The following ADCY9 variants were observed in gnomAD, a reference collection of about 807,000 sequenced individuals.
The protein encoded by ADCY9 is adenylate cyclase type 9.
ADCY9 carries 50 observed loss-of-function variants against 101.5 expected under a neutral mutation model. The ratio of observed to expected loss-of-function variants is 0.49; its 90% CI spans 0.39 to 0.62. ADCY9 has a LOEUF of 0.62. ADCY9 is among the 20% of genes least tolerant of loss of function. ADCY9 has a pLI of 0.00. For synonymous variants in ADCY9, 905 were observed against 769.3 expected (o/e 1.18, Z -2.92); for missense variants, 1,662 against 1,800.4 (o/e 0.92, Z 1.39).
intron 2 of ADCY9, among the ~76,000 whole-genome samples, chr16:4,053,689 CG>C (rs1173383388): frequency 6.9e-3 from 1 of 144 alleles, no homozygotes; most frequent in Non-Finnish European, 0.018. Flanking sequence ...TTGGATGGCA[CG>C]GGGACCCGAT....
Position 4,115,710 on chromosome 16 carries a change from C to G in ADCY9, c.-64G>C. On this transcript the variant is annotated 5_prime_UTR_variant, in exon 1 of 11. Transcript: ENST00000294016. This position sits in a 1 kb window ranked among gnomAD's most constrained non-coding sequence, Gnocchi z 6.2. ...CGGACCTAGAACGCCCGGGGGTCCC[C>G]GCCGCGTGGCCGCCGTGGCTCCGGG... 1 of 425,114 alleles carries G rather than the reference C, an allele frequency of 2.4e-6. No homozygotes were observed. Among genetic ancestry groups the G allele is most frequent in the Admixed American group, 3.9e-5 (1 of 25,496 alleles). The allele number at this position is 425,114 out of a possible 1,614,324, so 26.3% of individuals were successfully genotyped here.
chr16:4,100,885 C>T (rs764330224), intron 2 of ADCY9, among the ~76,000 whole-genome samples: 1 of 152,084 alleles, frequency 6.6e-6, no homozygotes, highest in Non-Finnish European at 1.5e-5. Flanking sequence ...CAGCAGGATA[C>T]GTGAGGGCAG....
At chr16:3,960,025 CA>C (rs1048658149), downstream of ADCY9, among the ~76,000 whole-genome samples, 1 of 151,162 alleles carries the variant, frequency 6.6e-6, no homozygotes, top group African/African-American at 2.4e-5. Flanking sequence ...GACTCTGTCT[CA>C]AAAAAAATAA....
At chr16:4,071,803 G>A (rs563866883) in intron 2 of ADCY9, among the ~76,000 whole-genome samples, 5 of 67,634 alleles carry the variant, frequency 7.4e-5, no homozygotes, top group African/African-American at 1.9e-4. Flanking sequence ...TCTGGCCCAC[G>A]AATTCTGGGT....
intron 2 of ADCY9, among the ~76,000 whole-genome samples, chr16:4,021,551 C>T (rs1000110777): frequency 6.6e-6 from 1 of 152,226 alleles, no homozygotes; most frequent in Non-Finnish European, 1.5e-5. Context: ...CGAGCTCCGT[C>T]CCAACTCAGA....
chr16:4,103,130 C>T (rs942852651), intron 2 of ADCY9, among the ~76,000 whole-genome samples: 2 of 152,220 alleles, frequency 1.3e-5, no homozygotes, highest in Non-Finnish European at 2.9e-5. Context: ...GAACTAAGGT[C>T]ACTTGCTATT....
chr16:4,008,752 A>G (rs1324519350), intron 2 of ADCY9, among the ~76,000 whole-genome samples: 7 of 152,128 alleles, frequency 4.6e-5, no homozygotes, highest in African/African-American at 1.7e-4. Context: ...TAGTAGAGAC[A>G]GGGTTTCTCC....
chr16:3,997,744 G>T (rs2056298628), intron 3 of ADCY9, among the ~76,000 whole-genome samples: 1 of 152,180 alleles, frequency 6.6e-6, no homozygotes, highest in African/African-American at 2.4e-5. Context: ...GGGTGGCATG[G>T]TCCCACAGAC....
chr16:4,082,417 G>C (rs1181366161), intron 2 of ADCY9, among the ~76,000 whole-genome samples: 1 of 152,132 alleles, frequency 6.6e-6, no homozygotes, highest in Non-Finnish European at 1.5e-5. Flanking sequence ...TTTAACTAAA[G>C]TCACAGCCAC....
At chr16:4,084,659 G>A (rs1387166559) in intron 2 of ADCY9, among the ~76,000 whole-genome samples, 3 of 152,020 alleles carry the variant, frequency 2.0e-5, no homozygotes, top group African/African-American at 7.2e-5. Context: ...CTGGGTGGTC[G>A]AGGCTTCAGT....
chr16:4,055,317 G>T (rs186704441), intron 2 of ADCY9, among the ~76,000 whole-genome samples: 2 of 152,172 alleles, frequency 1.3e-5, no homozygotes, highest in Non-Finnish European at 2.9e-5. Context: ...CAGATCACTT[G>T]AGGTCAGGAG....
At chr16:3,988,087 G>A (rs749100476) in intron 6 of ADCY9, among the ~76,000 whole-genome samples, 7 of 152,066 alleles carry the variant, frequency 4.6e-5, no homozygotes, top group Non-Finnish European at 1.0e-4. Context: ...ACAGAGCTGA[G>A]CATCTAGGGA....
intron 2 of ADCY9, among the ~76,000 whole-genome samples, chr16:4,110,376 CTTTTTT>C (rs1170090126): frequency 8.1e-5 from 9 of 110,774 alleles, no homozygotes; most frequent in African/African-American, 2.1e-4. Flanking sequence ...CTTATACCTA[CTTTTTT>C]TTTTTTTTTT....
intron 7 of ADCY9, among the ~76,000 whole-genome samples, chr16:3,981,324 G>C (rs6500566): frequency 0.047 from 7,124 of 152,234 alleles, 550 homozygotes; most frequent in African/African-American, 0.16. Context: ...GCTAAAGGGT[G>C]AAAGTAAAAA....
In ADCY9 at chr16:4,063,667, G is replaced by A. The variant is rs574038779; in HGVS notation, c.1693+50083C>T. ...GTGGAAGCTGCAGTGAGCCAGTATC[G>A]CACCACTGCACTCCAGCCTGGGCCA... On this transcript the variant is annotated intron_variant, in intron 2 of 10. Coordinates refer to ENST00000294016, the MANE Select transcript of ADCY9 (RefSeq NM_001116.4). 1.1e-4 allele frequency among the ~76,000 whole-genome samples: 17 copies of A among 151,046 alleles called. No individual in the cohort carries two copies. The South Asian group carries it at 2.5e-3, about 22-fold the overall frequency.
Position 3,992,591 on chromosome 16 carries a change from G to T in ADCY9, c.1990-228C>A, listed in dbSNP as rs2056254086. On this transcript the variant is annotated intron_variant, in intron 4 of 10. Transcript: ENST00000294016. The surrounding 1 kb of genome is among the most constrained non-coding windows in gnomAD (Gnocchi z 4.2). ...TTACCCAACAGTGCCCAGTGGTAAC[G>T]CTGGGTGTTCAGGCTGCCAGGACAT... Among the ~76,000 whole-genome samples the T allele has an allele frequency of 6.6e-6, 1 of 152,150 alleles. No homozygotes were observed. The highest frequency in any genetic ancestry group is 2.4e-5 in the African/African-American group (1 of 41,434).
chr16:4,064,289 G>A (rs1417857257), intron 2 of ADCY9, among the ~76,000 whole-genome samples: 1 of 152,196 alleles, frequency 6.6e-6, no homozygotes, highest in African/African-American at 2.4e-5. Context: ...GAAGGACTCA[G>A]TATTGTTAAG....
chr16:4,000,705 G>C (rs2056323712), intron 3 of ADCY9, among the ~76,000 whole-genome samples: 1 of 151,892 alleles, frequency 6.6e-6, no homozygotes, highest in Non-Finnish European at 1.5e-5. Context: ...AAAAGTCCCT[G>C]GACCTCTCAC....
At position 3,963,843 on chromosome 16, in the gene ADCY9, A is replaced by G. The variant is rs199889340; in HGVS notation, c.*1932T>C. 1.7e-5 allele frequency: 2 copies of G among 121,004 alleles called. No homozygotes were observed. Among genetic ancestry groups the G allele is most frequent in the African/African-American group, 9.0e-5 (2 of 22,288 alleles). 7.5% of individuals were successfully genotyped at this position (121,004 alleles called of 1,614,324 possible). ...AAGCATCAGGTAGTGTTTTTTAAGG[A>G]AAAAAAAAAATCTGCGGTGTTTTAT... On this transcript the variant is annotated 3_prime_UTR_variant, in exon 11 of 11. Transcript: ENST00000294016.
Sources: allele counts gnomAD v4.1 joint callset (sites outside exome capture counted in the v4.1 genomes callset), GRCh38; gene constraint gnomAD v4.1.1; non-coding constraint Gnocchi (gnomAD v3.1); transcripts MANE v1.5; gene names NCBI Gene and HGNC (gene_info 2026-07-23, HGNC 2026-07-21).